Variants in RASAL2 observed in about 807,000 individuals in gnomAD.
RASAL2 encodes ras GTPase-activating protein nGAP.
Under a neutral mutation model 128.9 loss-of-function variants are expected in RASAL2, and 58 were observed. The observed-to-expected ratio is 0.45, with a 90% CI of 0.36 to 0.56. The LOEUF is 0.56. Ranked by LOEUF, RASAL2 falls within the 20% of genes least tolerant of loss-of-function variation. RASAL2 has a pLI of 0.00. For synonymous variants in RASAL2, 561 were observed against 580.8 expected, an observed-to-expected ratio of 0.97 and a Z score of 0.49; for missense variants, 1,360 against 1,601.6, an observed-to-expected ratio of 0.85 and a Z score of 2.57.
At chr1:178,358,504 G>T (rs1453331338) in intron 3 of RASAL2, among the ~76,000 whole-genome samples, 6 of 152,032 alleles carry the variant, frequency 3.9e-5, no homozygotes, top group African/African-American at 1.4e-4. Context: ...AGAAAAGTGG[G>T]CAAGAGATAT....
At chr1:178,385,092 T>C (rs149394801) in intron 3 of RASAL2, among the ~76,000 whole-genome samples, 7 of 152,370 alleles carry the variant, frequency 4.6e-5, no homozygotes, top group African/African-American at 1.7e-4. Flanking sequence ...CATTTCACTT[T>C]ACTCTCTTTC....
chr1:178,389,918 C>G (rs1050784624), intron 3 of RASAL2, among the ~76,000 whole-genome samples, 182 bp from the exon 4 acceptor site: 1 of 152,014 alleles, frequency 6.6e-6, no homozygotes, highest in Non-Finnish European at 1.5e-5. Context: ...TAACTGTGAC[C>G]AAGTCTCTCT....
intron 3 of RASAL2, among the ~76,000 whole-genome samples, chr1:178,301,833 T>C (rs2102274586): frequency 6.6e-6 from 1 of 152,298 alleles, no homozygotes; most frequent in African/African-American, 2.4e-5. Flanking sequence ...GTCTCAAGAA[T>C]TATTGCAGTG....
intron 3 of RASAL2, among the ~76,000 whole-genome samples, chr1:178,328,335 A>G (rs1557905170): frequency 6.6e-6 from 1 of 152,200 alleles, no homozygotes; most frequent in Non-Finnish European, 1.5e-5. Flanking sequence ...TGATACAGGC[A>G]TATAATGTGT....
Position 178,420,624 on chromosome 1 carries a change from G to A in RASAL2, c.674+4G>A. 1 of 1,585,752 alleles carries A rather than the reference G, an allele frequency of 6.3e-7. No homozygotes were observed. Among genetic ancestry groups the A allele is most frequent in the African/African-American group, 1.3e-5 (1 of 74,132 alleles). On this transcript the variant is annotated splice_donor_region_variant and intron_variant, in intron 5 of 17. Coordinates refer to ENST00000367649, the MANE Select transcript of RASAL2 (RefSeq NM_170692.4). ...CCCTTCGCAGTACAGATGACAGGTAGGAAGTTAACTTTCTTAAAACAAAAA... is the reference window on the plus strand; with the variant it reads ...CCCTTCGCAGTACAGATGACAGGTAAGAAGTTAACTTTCTTAAAACAAAAA...
intron 1 of RASAL2, among the ~76,000 whole-genome samples, chr1:178,280,486 A>G (rs1316311302): frequency 6.6e-6 from 1 of 152,022 alleles, no homozygotes; most frequent in Non-Finnish European, 1.5e-5. Context: ...GTAAATATTG[A>G]TATAACCCAT....
chr1:178,144,936 CTAT>C (rs1660665715), intron 1 of RASAL2, among the ~76,000 whole-genome samples: 1 of 152,108 alleles, frequency 6.6e-6, no homozygotes, highest in Non-Finnish European at 1.5e-5. Context: ...GTTAGAACTG[CTAT>C]TATTTAGTAT....
At chr1:178,227,605 C>G (rs1286288587) in intron 1 of RASAL2, among the ~76,000 whole-genome samples, 4 of 152,080 alleles carry the variant, frequency 2.6e-5, no homozygotes, top group African/African-American at 4.8e-5. Flanking sequence ...TGTTGTTGTT[C>G]CTCTAGTCCT....
At chr1:178,297,616 A>G (rs1033909313) in intron 2 of RASAL2, among the ~76,000 whole-genome samples, 24 of 151,686 alleles carry the variant, frequency 1.6e-4, no homozygotes, top group African/African-American at 5.6e-4. Flanking sequence ...TCAAAAAAAA[A>G]AAAAAAAAAA....
intron 3 of RASAL2, among the ~76,000 whole-genome samples, chr1:178,347,832 T>A (rs1670230855): frequency 6.6e-6 from 1 of 152,230 alleles, no homozygotes. Flanking sequence ...ATACCTAGGT[T>A]CATCAGAAGA....
In RASAL2 at chr1:178,245,999, A is replaced by G. The variant is rs181944757; in HGVS notation, c.203-37565A>G. On this transcript the variant is annotated intron_variant, in intron 1 of 17. Coordinates refer to ENST00000367649, the MANE Select transcript of RASAL2 (RefSeq NM_170692.4). ...GTAGTATAGTTTGAAGTCGGGTAGC[A>G]TGATGCCTCCAGCTTTGTTCTTTTT... Among the ~76,000 whole-genome samples, 152 of 152,234 alleles carry G rather than the reference A, an allele frequency of 1.0e-3. 1 individual carries two copies. Among genetic ancestry groups the G allele is most frequent in the Non-Finnish European group, 1.0e-4 (7 of 68,004 alleles).
At chr1:178,391,475 A>G (rs1672901296) in intron 4 of RASAL2, among the ~76,000 whole-genome samples, 1 of 152,238 alleles carries the variant, frequency 6.6e-6, no homozygotes, top group Non-Finnish European at 1.5e-5. Context: ...AAATCAAAAT[A>G]TGCTGGCTAA....
intron 1 of RASAL2, among the ~76,000 whole-genome samples, chr1:178,279,628 A>G (rs1321993031): frequency 2.6e-5 from 4 of 152,146 alleles, no homozygotes; most frequent in East Asian, 1.9e-4. Flanking sequence ...ACTATTTTTT[A>G]TAGTAGAACT....
At chr1:178,336,079 A>G (rs1337124863) in intron 3 of RASAL2, among the ~76,000 whole-genome samples, 1 of 152,026 alleles carries the variant, frequency 6.6e-6, no homozygotes, top group Non-Finnish European at 1.5e-5. Context: ...TTGTGTCTCC[A>G]TTTCCTCATC....
At chr1:178,301,068 G>T (rs1667741294) in intron 3 of RASAL2, among the ~76,000 whole-genome samples, 2 of 152,118 alleles carry the variant, frequency 1.3e-5, no homozygotes, top group East Asian at 3.9e-4. Flanking sequence ...TTTCTAAGTG[G>T]AACCCAGAGC....
At chr1:178,411,100 T>C (rs1337558556) in intron 4 of RASAL2, among the ~76,000 whole-genome samples, 1 of 151,906 alleles carries the variant, frequency 6.6e-6, no homozygotes, top group African/African-American at 2.4e-5. Flanking sequence ...ATTGCAAAAG[T>C]GTGGAACCAG....
intron 3 of RASAL2, among the ~76,000 whole-genome samples, chr1:178,306,516 A>G (rs1667997414): frequency 1.3e-5 from 2 of 151,962 alleles, no homozygotes; most frequent in South Asian, 2.1e-4. Context: ...TCCCACCAAT[A>G]GTGTAAAAGT....
At chr1:178,122,403 G>C (rs1261528137) in intron 1 of RASAL2, among the ~76,000 whole-genome samples, 1 of 152,194 alleles carries the variant, frequency 6.6e-6, no homozygotes, top group Non-Finnish European at 1.5e-5. Flanking sequence ...TGCTTTGACT[G>C]TGTTTGGGTC....
chr1:178,354,856 T>C (rs1048851739), intron 3 of RASAL2, among the ~76,000 whole-genome samples: 36 of 152,094 alleles, frequency 2.4e-4, no homozygotes, highest in African/African-American at 8.7e-4. Context: ...GGAAAACTGG[T>C]TTGTATGGTG....
Sources: gnomAD v4.1 joint callset for allele counts (sites outside exome capture counted in the v4.1 genomes callset) on GRCh38, gnomAD v4.1.1 for gene constraint, MANE v1.5 for transcripts, NCBI Gene and HGNC (gene_info 2026-07-23, HGNC 2026-07-21) for gene names.